The following TOGARAM2 variants were observed in gnomAD, a reference collection of about 807,000 sequenced individuals.
TOGARAM2 encodes TOG array regulator of axonemal microtubules protein 2.
TOGARAM2 carries 85 observed loss-of-function variants against 93.3 expected under a neutral mutation model. The ratio of observed to expected loss-of-function variants is 0.91; its 90% confidence interval spans 0.76 to 1.09. The LOEUF (loss-of-function observed/expected upper bound fraction) is 1.09, where lower values mean the gene tolerates loss of function less well. Among genes scored for constraint, TOGARAM2 ranks in the 50% least tolerant of loss-of-function variants. The pLI, the probability that TOGARAM2 is intolerant of heterozygous loss-of-function variation, is 0.00. For synonymous variants in TOGARAM2, 593 were observed against 552.8 expected, an observed-to-expected ratio of 1.07 and a Z score of -1.02; for missense variants, 1,277 against 1,334.5, an observed-to-expected ratio of 0.96 and a Z score of 0.67.
At chr2:28,957,013 A>G (rs1375895995) in intron 1 of TOGARAM2, among the ~76,000 whole-genome samples, 2 of 151,806 alleles carry the variant, frequency 1.3e-5, no homozygotes, top group East Asian at 2.0e-4. Flanking sequence ...TAATCCCAGG[A>G]GAATTGCTTG....
chr2:28,964,970 A>G (rs1226226820), intron 1 of TOGARAM2, among the ~76,000 whole-genome samples: 1 of 152,182 alleles, frequency 6.6e-6, no homozygotes, highest in Non-Finnish European at 1.5e-5. Context: ...GTATCTTTAT[A>G]ATAGAATGAT....
intron 1 of TOGARAM2, among the ~76,000 whole-genome samples, chr2:28,993,628 C>T (rs1672848203): frequency 6.6e-6 from 1 of 152,242 alleles, no homozygotes; most frequent in Non-Finnish European, 1.5e-5. Context: ...AAATTCTCCT[C>T]AGACAGGGAA....
chr2:29,026,264 CTT>C (rs891080645), intron 13 of TOGARAM2, among the ~76,000 whole-genome samples: 1 of 152,148 alleles, frequency 6.6e-6, no homozygotes, highest in Non-Finnish European at 1.5e-5. Flanking sequence ...AATGATCACT[CTT>C]TTCGTCATTA....
chr2:29,028,567 C>A (rs1460798904), intron 14 of TOGARAM2, among the ~76,000 whole-genome samples: 1 of 152,072 alleles, frequency 6.6e-6, no homozygotes, highest in South Asian at 2.1e-4. Context: ...CTTTGACCCC[C>A]TGCTTATTAA....
intron 13 of TOGARAM2, among the ~76,000 whole-genome samples, chr2:29,025,368 A>C (rs1665285294): frequency 6.6e-6 from 1 of 151,698 alleles, no homozygotes; most frequent in African/African-American, 2.4e-5. Context: ...CTGTGTCTAT[A>C]ATTAACTTAG....
At chr2:28,980,331 C>A (rs193184221), upstream of TOGARAM2, among the ~76,000 whole-genome samples, 5 of 152,262 alleles carry the variant, frequency 3.3e-5, no homozygotes, top group Admixed American at 1.3e-4. Context: ...GAAGGAGCTA[C>A]CCCGTGTGCA....
chr2:28,981,787 G>A (rs764517828), intron 1 of TOGARAM2, among the ~76,000 whole-genome samples: 1 of 152,220 alleles, frequency 6.6e-6, no homozygotes, highest in South Asian at 2.1e-4. Flanking sequence ...CTGAGCACTG[G>A]GAGCCAAGGA....
chr2:29,006,077 G>C (rs1263551486), intron 6 of TOGARAM2, among the ~76,000 whole-genome samples: 2 of 83,608 alleles, frequency 2.4e-5, no homozygotes, highest in South Asian at 4.3e-4. Context: ...ATGTGTGAGA[G>C]CACGTGTGTG....
At chr2:28,989,450 T>C (rs1375786050) in intron 1 of TOGARAM2, among the ~76,000 whole-genome samples, 2 of 151,586 alleles carry the variant, frequency 1.3e-5, no homozygotes, top group Admixed American at 1.3e-4. Context: ...CAGACTGGAG[T>C]GCGGTGGCAC....
chr2:28,959,973 C>A (rs965068078), intron 1 of TOGARAM2, among the ~76,000 whole-genome samples: 1 of 152,172 alleles, frequency 6.6e-6, no homozygotes, highest in Non-Finnish European at 1.5e-5. Context: ...TTCTAGGCTA[C>A]AAACCTGGAC....
At chr2:28,965,497 C>T (rs1248925381) in intron 1 of TOGARAM2, among the ~76,000 whole-genome samples, 3 of 152,184 alleles carry the variant, frequency 2.0e-5, no homozygotes, top group African/African-American at 4.8e-5. Context: ...CTTTCCCGTT[C>T]CCTAGTGAGG....
chr2:29,023,982 C>T (rs1558446115), intron 12 of TOGARAM2, among the ~76,000 whole-genome samples, 157 bp from the exon 13 acceptor site: 1 of 151,674 alleles, frequency 6.6e-6, no homozygotes, highest in Non-Finnish European at 1.5e-5. Flanking sequence ...CAGTTTTGCT[C>T]AGAGTGGCTG....
chr2:29,039,113 G>A (rs1367548413), intron 18 of TOGARAM2, among the ~76,000 whole-genome samples: 1 of 152,182 alleles, frequency 6.6e-6, no homozygotes, highest in African/African-American at 2.4e-5. Flanking sequence ...AAGAGAAGGG[G>A]TATGAAGTCT....
chr2:29,022,441 G>T, intron 11 of TOGARAM2, 133 bp downstream of exon 11: 1 of 1,231,580 alleles, frequency 8.1e-7, no homozygotes, highest in East Asian at 2.5e-5. Flanking sequence ...AGCCAGTTTG[G>T]AGGGAGGACT....
chr2:28,992,629 G>C (rs754715660), intron 1 of TOGARAM2, among the ~76,000 whole-genome samples: 1 of 152,190 alleles, frequency 6.6e-6, no homozygotes, highest in Non-Finnish European at 1.5e-5. Context: ...TAGCCTCCTA[G>C]AGAGTGATCA....
rs778972114 is a variant in TOGARAM2 at position 29,011,505 on chromosome 2, C to T, written c.877+4C>T. The stretch of plus-strand genomic sequence containing the variant: ...GAGAAGACCCCTGCATCTCTGGGTA[C>T]GTATCTTCCATGCACACCTCCCTTT... On this transcript the variant is annotated splice_donor_region_variant and intron_variant, in intron 7 of 19. Coordinates refer to ENST00000379558, the MANE Select transcript of TOGARAM2 (RefSeq NM_199280.4). 1.6e-5 allele frequency: 26 copies of T among 1,603,422 alleles called. No individual in the cohort carries two copies. The highest frequency in any genetic ancestry group is 3.3e-4 in the Middle Eastern group (2 of 6,044).
chr2:28,977,136 C>G (rs1672050677), upstream of TOGARAM2, among the ~76,000 whole-genome samples: 1 of 152,224 alleles, frequency 6.6e-6, no homozygotes, highest in Non-Finnish European at 1.5e-5. Context: ...AGTGTCTGAT[C>G]ACAAATGACA....
chr2:29,020,244 G>T (rs967436032), intron 10 of TOGARAM2, among the ~76,000 whole-genome samples: 5 of 152,188 alleles, frequency 3.3e-5, no homozygotes, highest in Admixed American at 1.3e-4. Flanking sequence ...AACTGATGTG[G>T]GTTACAGATT....
chr2:28,967,730 A>G (rs1345764278), intron 1 of TOGARAM2, among the ~76,000 whole-genome samples: 1 of 149,788 alleles, frequency 6.7e-6, no homozygotes, highest in African/African-American at 2.5e-5. Flanking sequence ...ACGAGTGTCA[A>G]TTTCCTCATC....
Sources: allele counts gnomAD v4.1 joint callset (sites outside exome capture counted in the v4.1 genomes callset), GRCh38; gene constraint gnomAD v4.1.1; transcripts MANE v1.5; gene names NCBI Gene and HGNC (gene_info 2026-07-23, HGNC 2026-07-21).